Variants in DLG2 observed in about 807,000 individuals in gnomAD.
DLG2 encodes the protein disks large homolog 2.
Under a neutral mutation model 132.5 loss-of-function variants are expected in DLG2, and 45 were observed. That is an observed-to-expected ratio of 0.34 (90% CI 0.27 to 0.44). DLG2 has a LOEUF of 0.44. Ranked by LOEUF, DLG2 falls within the 20% of genes least tolerant of loss-of-function variation. DLG2 has a pLI of 1.00. For missense variants in DLG2, 1,045 were observed against 1,196.9 expected, an observed-to-expected ratio of 0.87 and a Z score of 1.87; for synonymous variants, 424 against 419.6, an observed-to-expected ratio of 1.01 and a Z score of -0.13.
chr11:85,040,456 C>T (rs1308643660), intron 6 of DLG2, among the ~76,000 whole-genome samples: 3 of 151,902 alleles, frequency 2.0e-5, no homozygotes, highest in African/African-American at 7.2e-5. Flanking sequence ...AATTCTGCAA[C>T]AAAATGAATG....
At chr11:84,929,004 A>C (rs1398433706) in intron 6 of DLG2, among the ~76,000 whole-genome samples, 5 of 128,968 alleles carry the variant, frequency 3.9e-5, no homozygotes, top group Non-Finnish European at 8.3e-5. Flanking sequence ...ATATATATAT[A>C]TATATATATA....
intron 3 of DLG2, among the ~76,000 whole-genome samples, chr11:85,409,800 T>C (rs1009842224): frequency 6.6e-6 from 1 of 151,688 alleles, no homozygotes; most frequent in African/African-American, 2.4e-5. Flanking sequence ...ATTTACAAAA[T>C]GGGAAGAGAA....
At chr11:85,543,018 G>A (rs966919221) in intron 3 of DLG2, among the ~76,000 whole-genome samples, 2 of 151,816 alleles carry the variant, frequency 1.3e-5, no homozygotes, top group Non-Finnish European at 2.9e-5. Flanking sequence ...TTTAAGTTCC[G>A]GGATACATGT....
intron 11 of DLG2, among the ~76,000 whole-genome samples, chr11:83,988,168 G>A (rs371441362): frequency 5.9e-5 from 9 of 152,162 alleles, no homozygotes; most frequent in Middle Eastern, 3.4e-3. Flanking sequence ...GTTTGCTTTC[G>A]TTGCAATTAC....
intron 7 of DLG2, among the ~76,000 whole-genome samples, chr11:84,346,016 C>T (rs1024081574): frequency 6.6e-6 from 1 of 152,148 alleles, no homozygotes; most frequent in Non-Finnish European, 1.5e-5. Context: ...AAGGTGTTTT[C>T]TCTTCTATTT....
intron 15 of DLG2, among the ~76,000 whole-genome samples, chr11:83,909,849 A>G (rs2075735218): frequency 6.6e-6 from 1 of 152,120 alleles, no homozygotes. Context: ...CCTCTGAGAC[A>G]TTTGATACAG....
At chr11:84,825,251 C>A (rs1210455658) in intron 6 of DLG2, among the ~76,000 whole-genome samples, 1 of 151,744 alleles carries the variant, frequency 6.6e-6, no homozygotes, top group Non-Finnish European at 1.5e-5. Context: ...GTCTTGTGAT[C>A]AGATCATCTT....
chr11:83,843,696 C>T (rs753609867), intron 16 of DLG2, among the ~76,000 whole-genome samples: 3 of 152,110 alleles, frequency 2.0e-5, no homozygotes, highest in Non-Finnish European at 4.4e-5. Context: ...CAGGATTGTC[C>T]TCTACAGGTC....
chr11:84,305,458 G>C (rs1284124295), intron 7 of DLG2, among the ~76,000 whole-genome samples: 1 of 152,150 alleles, frequency 6.6e-6, no homozygotes, highest in Non-Finnish European at 1.5e-5. Flanking sequence ...TTTAGTAGCT[G>C]AAATACAGAT....
chr11:85,335,266 T>C (rs1017162297), intron 3 of DLG2, among the ~76,000 whole-genome samples: 2 of 152,278 alleles, frequency 1.3e-5, no homozygotes, highest in East Asian at 3.9e-4. Context: ...TTCTGTTTGT[T>C]TAATAAATCT....
chr11:83,888,605 A>G (rs547819468), intron 15 of DLG2, among the ~76,000 whole-genome samples: 92 of 152,294 alleles, frequency 6.0e-4, no homozygotes, highest in African/African-American at 2.2e-3. Context: ...ACTACTTTAA[A>G]GTTCATATGG....
At position 84,832,816 on chromosome 11, in the gene DLG2, C is replaced by G. The variant is rs1001414991; in HGVS notation, c.357+278845G>C. Reference sequence around the variant, plus strand: ...TCAGCACTCCAGAAAGCAATTCCCCCCTCCGCCCCCAGTTTGGATTATATC... The same window carrying G: ...TCAGCACTCCAGAAAGCAATTCCCCGCTCCGCCCCCAGTTTGGATTATATC... On this transcript the variant is annotated intron_variant, in intron 6 of 27. Transcript: ENST00000376104. Among the ~76,000 whole-genome samples, 4 of 151,492 alleles carry G rather than the reference C, an allele frequency of 2.6e-5. No homozygotes were observed. The South Asian group carries it at 8.3e-4, about 31-fold the overall frequency.
rs562059873 is a variant in DLG2 at position 84,325,746 on chromosome 11, G to A, written c.520-74455C>T. On this transcript the variant is annotated intron_variant, in intron 7 of 27. Coordinates refer to ENST00000376104, the MANE Select transcript of DLG2 (RefSeq NM_001142699.3). ...TTTTTTTTCTAGCTTTAGCATCAGGGTAATGCTAGCCTTATAAAATGAGTT... is the reference window on the plus strand; with the variant it reads ...TTTTTTTTCTAGCTTTAGCATCAGGATAATGCTAGCCTTATAAAATGAGTT... Among the ~76,000 whole-genome samples the A allele has an allele frequency of 5.3e-5, 8 of 152,166 alleles. No individual in the cohort carries two copies. In the East Asian group the frequency reaches 1.4e-3, roughly 26 times the overall value.
intron 6 of DLG2, among the ~76,000 whole-genome samples, chr11:84,959,867 G>T (rs1000131051): frequency 2.0e-5 from 3 of 152,056 alleles, no homozygotes; most frequent in African/African-American, 7.2e-5. Context: ...AAAAGAAAAG[G>T]TAGAAATGTA....
At chr11:83,580,111 C>A (rs958452404) in intron 19 of DLG2, among the ~76,000 whole-genome samples, 5 of 151,960 alleles carry the variant, frequency 3.3e-5, no homozygotes, top group Non-Finnish European at 4.4e-5. Flanking sequence ...TTAATGGTAT[C>A]ATTCCTACAA....
At chr11:84,554,873 A>T (rs2099408939) in intron 6 of DLG2, among the ~76,000 whole-genome samples, 1 of 152,214 alleles carries the variant, frequency 6.6e-6, no homozygotes. Context: ...TATTAACTGA[A>T]GTCAGAGGAA....
chr11:83,921,169 A>G (rs1293764363), intron 15 of DLG2, among the ~76,000 whole-genome samples: 1 of 152,114 alleles, frequency 6.6e-6, no homozygotes, highest in Non-Finnish European at 1.5e-5. Context: ...GTTAATTTGT[A>G]TAAAGTTCTG....
At chr11:85,448,843 GC>G (rs1261438261) in intron 3 of DLG2, among the ~76,000 whole-genome samples, 2 of 152,024 alleles carry the variant, frequency 1.3e-5, no homozygotes, top group African/African-American at 4.8e-5. Context: ...TTTCCTTTGA[GC>G]CTATCAAACA....
chr11:85,419,764 G>T (rs1471564408), intron 3 of DLG2, among the ~76,000 whole-genome samples: 4 of 152,174 alleles, frequency 2.6e-5, no homozygotes, highest in Admixed American at 2.6e-4. Flanking sequence ...TTCTCATGCT[G>T]TGTTTTTCAG....
Sources: allele counts gnomAD v4.1 joint callset (sites outside exome capture counted in the v4.1 genomes callset), GRCh38; gene constraint gnomAD v4.1.1; transcripts MANE v1.5; gene names NCBI Gene and HGNC (gene_info 2026-07-23, HGNC 2026-07-21).